PDLIM5: variants seen among roughly 807,000 people sequenced by gnomAD.
The protein encoded by PDLIM5 is PDZ and LIM domain 5.
Under a neutral mutation model 64.2 loss-of-function variants are expected in PDLIM5, and 34 were observed. The observed-to-expected ratio is 0.53, with a 90% CI of 0.40 to 0.71. PDLIM5 has a LOEUF of 0.71. PDLIM5 is among the 30% of genes least tolerant of loss of function. The pLI is 0.00. For synonymous variants in PDLIM5, 253 were observed against 269.1 expected (o/e 0.94, Z 0.59); for missense variants, 683 against 733.6 (o/e 0.93, Z 0.80).
intron 7 of PDLIM5, among the ~76,000 whole-genome samples, chr4:94,617,020 G>A (rs1387032498): frequency 6.6e-6 from 1 of 152,236 alleles, no homozygotes; most frequent in Non-Finnish European, 1.5e-5. Flanking sequence ...CTGACCTCAG[G>A]TGATCTGCCA....
At chr4:94,633,466 C>T (rs1165423726) in intron 8 of PDLIM5, among the ~76,000 whole-genome samples, 1 of 152,168 alleles carries the variant, frequency 6.6e-6, no homozygotes. Flanking sequence ...TATTTTGATG[C>T]AACTCTAGGA....
intron 3 of PDLIM5, among the ~76,000 whole-genome samples, chr4:94,529,123 A>C (rs954611661): frequency 6.6e-6 from 1 of 152,224 alleles, no homozygotes; most frequent in Non-Finnish European, 1.5e-5. Context: ...TCCAGGGCCT[A>C]TGAAAACATT....
At chr4:94,500,391 A>G (rs548815846) in intron 2 of PDLIM5, among the ~76,000 whole-genome samples, 5 of 152,314 alleles carry the variant, frequency 3.3e-5, no homozygotes, top group African/African-American at 1.2e-4. Context: ...TATTCATATA[A>G]CAGTTAACAT....
At chr4:94,607,599 T>C (rs1025304689) in intron 7 of PDLIM5, among the ~76,000 whole-genome samples, 1 of 152,228 alleles carries the variant, frequency 6.6e-6, no homozygotes, top group African/African-American at 2.4e-5. Flanking sequence ...TTTGGTTGCT[T>C]TCTTGTAGGA....
At chr4:94,502,459 C>A (rs541932514) in intron 2 of PDLIM5, among the ~76,000 whole-genome samples, 6 of 152,174 alleles carry the variant, frequency 3.9e-5, no homozygotes, top group Admixed American at 6.5e-5. Context: ...TGCCTGGGTT[C>A]CAGCCCCAGC....
chr4:94,479,494 A>ATT (rs1257955048), intron 2 of PDLIM5, among the ~76,000 whole-genome samples: 12 of 150,556 alleles, frequency 8.0e-5, no homozygotes, highest in African/African-American at 2.7e-4. Flanking sequence ...TGCCCGGCTG[A>ATT]TTTTTATTTT....
intron 4 of PDLIM5, among the ~76,000 whole-genome samples, chr4:94,574,953 T>C (rs1408938218): frequency 6.6e-6 from 1 of 151,904 alleles, no homozygotes; most frequent in African/African-American, 2.4e-5. Flanking sequence ...TGGAGGTGGA[T>C]TACAAGAAAG....
At chr4:94,466,819 C>A (rs1187909658) in intron 2 of PDLIM5, among the ~76,000 whole-genome samples, 1 of 152,042 alleles carries the variant, frequency 6.6e-6, no homozygotes, top group African/African-American at 2.4e-5. Context: ...GCTGTAAACA[C>A]CTTTATGACA....
chr4:94,506,891 G>A (rs1325294916), intron 2 of PDLIM5, among the ~76,000 whole-genome samples: 1 of 152,148 alleles, frequency 6.6e-6, no homozygotes, highest in Non-Finnish European at 1.5e-5. Context: ...AACAAAGCAG[G>A]CAGAAGAAGA....
chr4:94,534,526 G>A (rs527959532), intron 3 of PDLIM5, among the ~76,000 whole-genome samples: 22 of 152,218 alleles, frequency 1.4e-4, no homozygotes, highest in African/African-American at 5.1e-4. Flanking sequence ...TTGAGATCGG[G>A]AGAGATAGAA....
At chr4:94,607,362 A>C (rs571912990) in intron 7 of PDLIM5, among the ~76,000 whole-genome samples, 17 of 151,858 alleles carry the variant, frequency 1.1e-4, no homozygotes, top group Admixed American at 4.6e-4. Context: ...CTTAACATTG[A>C]GTTCTTCATT....
intron 5 of PDLIM5, among the ~76,000 whole-genome samples, 177 bp from the exon 6 acceptor site, chr4:94,585,388 C>T (rs1270586946): frequency 6.6e-6 from 1 of 152,058 alleles, no homozygotes; most frequent in Admixed American, 6.5e-5. Context: ...CCGTGCCCCG[C>T]CTATTTTAGA....
At chr4:94,637,478 G>C (rs1349777048) in intron 8 of PDLIM5, among the ~76,000 whole-genome samples, 2 of 152,186 alleles carry the variant, frequency 1.3e-5, no homozygotes, top group Non-Finnish European at 2.9e-5. Flanking sequence ...AGAATCATTT[G>C]AACCCTGGAG....
chr4:94,463,238 C>T (rs969982703), intron 2 of PDLIM5, among the ~76,000 whole-genome samples: 1 of 152,190 alleles, frequency 6.6e-6, no homozygotes, highest in Non-Finnish European at 1.5e-5. Flanking sequence ...GATATACAAT[C>T]AACCCTTGAA....
chr4:94,460,646 G>A (rs980123047), intron 2 of PDLIM5, among the ~76,000 whole-genome samples: 1 of 151,366 alleles, frequency 6.6e-6, no homozygotes, highest in African/African-American at 2.4e-5. Context: ...AAAAAAAAAG[G>A]TAAGAATAGC....
rs184973022 is a variant in PDLIM5 at position 94,612,240 on chromosome 4, C to G, written c.921-5764C>G. ...CTCAAAAAACAAAAACAAAAGCAAA[C>G]AAACAAACAAAAAATATATATATAT... On this transcript the variant is annotated intron_variant, in intron 7 of 12. Coordinates refer to ENST00000317968, the MANE Select transcript of PDLIM5 (RefSeq NM_006457.5). Among the ~76,000 whole-genome samples, 269 of 151,962 alleles carry G rather than the reference C, an allele frequency of 1.8e-3. 1 individual carries two copies. Among genetic ancestry groups the G allele is most frequent in the African/African-American group, 6.2e-3 (258 of 41,470 alleles).
chr4:94,631,928 G>A (rs73834223), intron 8 of PDLIM5, among the ~76,000 whole-genome samples: 2,143 of 152,310 alleles, frequency 0.014, 47 homozygotes, highest in African/African-American at 0.049. Context: ...ATATGTTGGT[G>A]ACTCTTGAAT....
intron 2 of PDLIM5, among the ~76,000 whole-genome samples, chr4:94,465,351 G>A (rs773384827): frequency 3.3e-5 from 5 of 152,046 alleles, no homozygotes; most frequent in Admixed American, 6.6e-5. Flanking sequence ...GTACATGTTC[G>A]ATTATTTAAT....
chr4:94,628,989 C>T (rs1205219073), intron 8 of PDLIM5, among the ~76,000 whole-genome samples: 2 of 151,168 alleles, frequency 1.3e-5, no homozygotes, highest in African/African-American at 4.9e-5. Flanking sequence ...CATTGGCCTC[C>T]TACAATAAAA....
Sources: allele counts gnomAD v4.1 joint callset (sites outside exome capture counted in the v4.1 genomes callset), GRCh38; gene constraint gnomAD v4.1.1; transcripts MANE v1.5; gene names NCBI Gene and HGNC (gene_info 2026-07-23, HGNC 2026-07-21).